The following HNRNPM variants were observed in gnomAD, a reference collection of about 807,000 sequenced individuals.
HNRNPM encodes the protein CEA receptor.
HNRNPM carries 11 observed loss-of-function variants against 73.1 expected under a neutral mutation model. The observed-to-expected ratio is 0.15, with a 90% CI of 0.09 to 0.25. HNRNPM has a LOEUF of 0.25. HNRNPM is among the 10% of genes least tolerant of loss of function. HNRNPM has a pLI of 1.00. For synonymous variants in HNRNPM, 407 were observed against 355.2 expected (o/e 1.15, Z -1.64); for missense variants, 789 against 1,067.9 (o/e 0.74, Z 3.64).
chr19:8,465,406 C>T lies in HNRNPM; in HGVS notation c.521C>T (p.Pro174Leu). The T allele has an allele frequency of 1.2e-6, 2 of 1,613,940 alleles. No individual in the cohort carries two copies. The highest frequency in any genetic ancestry group is 1.7e-6 in the Non-Finnish European group (2 of 1,179,864). The change falls in exon 6 of 16, where the codon CCA (proline) becomes CTA (leucine). Residue 174 changes from proline to leucine, a missense_variant. Pro to Leu is a moderately conservative substitution (Grantham distance 98). Transcript: ENST00000325495. ...TGGMGMGPGGPGMITIPPSIL... is the reference protein window; with the variant it reads ...TGGMGMGPGGLGMITIPPSIL... ...GGGATGGGTATGGGACCAGGTGGCCCAGGAATGATTACTATCCCACCCAGT... is the reference window on the plus strand; with the variant it reads ...GGGATGGGTATGGGACCAGGTGGCCTAGGAATGATTACTATCCCACCCAGT...
chr19:8,446,042 CACTT>C (rs150282612), intron 1 of HNRNPM, among the ~76,000 whole-genome samples: 2,548 of 152,294 alleles, frequency 0.017, 41 homozygotes, highest in African/African-American at 0.036. Context: ...TGATTACAGA[CACTT>C]AAGAGAGACA....
At position 8,486,077 on chromosome 19, in the gene HNRNPM, G is replaced by A. The variant is rs775519970; in HGVS notation, c.1649G>A (p.Arg550His). The A allele has an allele frequency of 9.3e-6, 15 of 1,605,924 alleles. 1 individual carries two copies. Among genetic ancestry groups the A allele is most frequent in the South Asian group, 8.8e-5 (8 of 91,030 alleles). ...GAGCGCATGGGCCCCGTGATGGATC[G>A]CATGGCCACCGGCCTGGAGCGCATG... The part of the protein sequence containing the change: ...GLERMGPVMD[R>H]MATGLERMGA... Residue 550 changes from arginine (R) to histidine (H), a missense_variant, in exon 14 of 16, where the codon CGC becomes CAC. This residue lies in a region of HNRNPM where 604 missense variants were observed against 744.0 expected (regional missense o/e 0.81). Transcript: ENST00000325495.
At chr19:8,445,281 G>A (rs868770735) in intron 1 of HNRNPM, 170 bp downstream of exon 1, 3 of 526,968 alleles carry the variant, frequency 5.7e-6, no homozygotes, top group African/African-American at 4.0e-5. Context: ...GCGGGGAGCC[G>A]GGGGAGCCTC....
At position 8,485,104 on chromosome 19, in the gene HNRNPM, G is replaced by GCC. The variant is rs549449606; in HGVS notation, c.1175-498_1175-497insCC. 5.9e-5 allele frequency among the ~76,000 whole-genome samples: 9 copies of GCC among 152,114 alleles called. No homozygotes were observed. The South Asian group carries it at 1.9e-3, about 32-fold the overall frequency. On this transcript the variant is annotated intron_variant, in intron 13 of 15. Coordinates refer to ENST00000325495, the MANE Select transcript of HNRNPM (RefSeq NM_005968.5). ...TGTGCCCTGGGAGCGCTGAGGAAAT[G>GCC]CAGCCAGAGTGGCCCCCAGCAGAGC...
Position 8,471,386 on chromosome 19 carries a change from A to T in HNRNPM, c.956A>T (p.His319Leu), listed in dbSNP as rs770768421. The change falls in exon 10 of 16, where the codon CAC becomes CTC. Residue 319 changes from histidine (H) to leucine (L), a missense_variant. By Grantham distance (99) the His-to-Leu change is moderately conservative. Around this residue, in one of 4 missense-constraint regions of HNRNPM, gnomAD observed 604 missense variants for 744.0 expected, o/e 0.81. Coordinates refer to ENST00000325495, the MANE Select transcript of HNRNPM (RefSeq NM_005968.5). ...GGAGGGCAACCCATTGATGCCAATC[A>T]CCTGAATAAAGGCATCGGAATGGGA... is the stretch of plus-strand genomic sequence containing the variant. ...GPGGQPIDAN[H>L]LNKGIGMGNI... The T allele has an allele frequency of 1.2e-6, 2 of 1,608,810 alleles. No homozygotes were observed. Among genetic ancestry groups the T allele is most frequent in the Non-Finnish European group, 1.7e-6 (2 of 1,177,482 alleles).
intron 6 of HNRNPM, 85 bp downstream of exon 6, chr19:8,465,600 C>T: frequency 4.4e-6 from 4 of 910,516 alleles, no homozygotes; most frequent in Non-Finnish European, 6.6e-6. Context: ...GTAATTCTCA[C>T]ATTTGAGAAG....
intron 13 of HNRNPM, among the ~76,000 whole-genome samples, chr19:8,484,862 TG>T (rs986510254): frequency 1.3e-5 from 2 of 152,032 alleles, no homozygotes; most frequent in Non-Finnish European, 2.9e-5. Context: ...GCACCACGGG[TG>T]GGGGCGTCCC....
At chr19:8,479,970 T>G (rs1480535939) in intron 12 of HNRNPM, among the ~76,000 whole-genome samples, 1 of 148,242 alleles carries the variant, frequency 6.7e-6, no homozygotes, top group African/African-American at 2.5e-5. Flanking sequence ...AGATGGGGTT[T>G]CACCATCTTG....
At chr19:8,457,914 C>T (rs1969132841) in intron 2 of HNRNPM, among the ~76,000 whole-genome samples, 2 of 152,188 alleles carry the variant, frequency 1.3e-5, no homozygotes, top group African/African-American at 4.8e-5. Flanking sequence ...TTCCAAAACA[C>T]AGAGATCTGG....
intron 2 of HNRNPM, among the ~76,000 whole-genome samples, chr19:8,459,788 C>T (rs1331077984): frequency 6.6e-6 from 1 of 152,166 alleles, no homozygotes; most frequent in Non-Finnish European, 1.5e-5. Context: ...ATCTGCTTAT[C>T]CTCCTGATGT....
Position 8,471,358 on chromosome 19 carries a change from C to T in HNRNPM, c.928C>T (p.Pro310Ser). The stretch of plus-strand genomic sequence containing the variant: ...TGGTGGTATTGGCATGGGGTTAGGA[C>T]CAGGAGGGCAACCCATTGATGCCAA... ...GLGGIGMGLG[P>S]GGQPIDANHL... is the part of the protein sequence containing the mutation. Residue 310 changes from proline to serine, a missense_variant, in exon 10 of 16, where the codon CCA becomes TCA. By Grantham distance (74) the Pro-to-Ser change is moderately conservative. This residue lies in a region of HNRNPM where 604 missense variants were observed against 744.0 expected (regional missense o/e 0.81). Transcript: ENST00000325495. The T allele has an allele frequency of 1.2e-6, 2 of 1,605,660 alleles. No individual in the cohort carries two copies. The highest frequency in any genetic ancestry group is 1.7e-6 in the Non-Finnish European group (2 of 1,176,086).
Position 8,467,591 on chromosome 19 carries a change from C to G in HNRNPM, c.834+7C>G. ...ACCAATGCACGTCAAGATGGTAAGT[C>G]AGTAGGATCTTTCTCTGTGATATAC... On this transcript the variant is annotated splice_region_variant and intron_variant, in intron 8 of 15. Transcript: ENST00000325495. 1.3e-6 allele frequency: 2 copies of G among 1,599,730 alleles called. No individual in the cohort carries two copies. Among genetic ancestry groups the G allele is most frequent in the Non-Finnish European group, 1.7e-6 (2 of 1,166,940 alleles).
chr19:8,457,738 G>A (rs1205290170), intron 2 of HNRNPM, among the ~76,000 whole-genome samples: 2 of 152,124 alleles, frequency 1.3e-5, no homozygotes, highest in African/African-American at 4.8e-5. Context: ...TCAAAAAGAC[G>A]TTTTTATTCC....
chr19:8,487,143 C>CA (rs1231380080), intron 15 of HNRNPM, 68 bp downstream of exon 15: 12 of 1,303,840 alleles, frequency 9.2e-6, no homozygotes, highest in Non-Finnish European at 1.3e-5. Flanking sequence ...GAGTCAGCAG[C>CA]AAAACCTCCC....
In HNRNPM at chr19:8,448,705, G is replaced by A. The variant is rs150777947; in HGVS notation, c.113+3594G>A. Among the ~76,000 whole-genome samples, 367 of 151,624 alleles carry A rather than the reference G, an allele frequency of 2.4e-3. 1 individual carries two copies. Among genetic ancestry groups the A allele is most frequent in the African/African-American group, 8.3e-3 (341 of 41,302 alleles). On this transcript the variant is annotated intron_variant, in intron 1 of 15. Coordinates refer to ENST00000325495, the MANE Select transcript of HNRNPM (RefSeq NM_005968.5). ...TCACTCTGTTAGCCAGGATGGTCTC[G>A]ATCTCCTGACGTCGTTATCCGCCCG...
At chr19:8,460,986 C>T (rs930804194) in intron 2 of HNRNPM, among the ~76,000 whole-genome samples, 13 of 152,166 alleles carry the variant, frequency 8.5e-5, no homozygotes, top group African/African-American at 2.9e-4. Flanking sequence ...TAAATAAAGC[C>T]GCTTTGTACA....
Position 8,466,291 on chromosome 19 carries a change from G to C in HNRNPM, c.687G>C (p.Val229=). 6.2e-7 allele frequency: 1 copy of C among 1,614,088 alleles called. No individual in the cohort carries two copies. Among genetic ancestry groups the C allele is most frequent in the Non-Finnish European group, 8.5e-7 (1 of 1,179,992 alleles). Residue 229 remains valine, a synonymous_variant, in exon 7 of 16, where the codon GTG becomes GTC. Coordinates refer to ENST00000325495, the MANE Select transcript of HNRNPM (RefSeq NM_005968.5). ...KLKEVFSMAG[V]VVRADILEDK... is the part of the protein sequence containing the mutation. ...AGGAAGTATTTAGTATGGCTGGTGT[G>C]GTGGTCCGAGCAGACATTCTTGAAG...
intron 12 of HNRNPM, among the ~76,000 whole-genome samples, chr19:8,479,333 C>T (rs180989285): frequency 6.6e-6 from 1 of 152,042 alleles, no homozygotes; most frequent in Non-Finnish European, 1.5e-5. Context: ...CCTGCCTCTG[C>T]CTCCCAAAGT....
intron 1 of HNRNPM, among the ~76,000 whole-genome samples, chr19:8,450,348 A>G (rs1968518194): frequency 2.0e-5 from 3 of 152,192 alleles, no homozygotes; most frequent in African/African-American, 7.2e-5. Flanking sequence ...AGACCTTAAG[A>G]GAGGGTAGGC....
Sources: gnomAD v4.1 joint callset for allele counts (sites outside exome capture counted in the v4.1 genomes callset) on GRCh38, gnomAD v4.1.1 for gene constraint, gnomAD v4.1.1 regional missense constraint, MANE v1.5 for transcripts, NCBI Gene and HGNC (gene_info 2026-07-23, HGNC 2026-07-21) for gene names.